Variants in NETO1 observed in about 807,000 individuals in gnomAD.
NETO1 encodes the protein neuropilin and tolloid like 1, also known as neuropilin and tolloid-like protein 1.
Under a neutral mutation model 61.3 loss-of-function variants are expected in NETO1, and 26 were observed. That is an observed-to-expected ratio of 0.42 (90% CI 0.31 to 0.59). NETO1 has a LOEUF of 0.59. Ranked by LOEUF, NETO1 falls within the 20% of genes least tolerant of loss-of-function variation. NETO1 has a pLI of 0.12. For missense variants in NETO1, 531 were observed against 662.8 expected, an observed-to-expected ratio of 0.80 and a Z score of 2.18; for synonymous variants, 225 against 225.8, an observed-to-expected ratio of 1.00 and a Z score of 0.03.
chr18:72,853,153 C>T (rs1378442268), intron 4 of NETO1, among the ~76,000 whole-genome samples: 1 of 152,096 alleles, frequency 6.6e-6, no homozygotes, highest in Non-Finnish European at 1.5e-5. Context: ...GTAATTTTCT[C>T]AGTGCTGTGA....
rs1315550125 is a variant in NETO1 at position 72,746,619 on chromosome 18, T to C, written c.*1560A>G. 2.6e-5 allele frequency among the ~76,000 whole-genome samples: 4 copies of C among 151,940 alleles called. No individual in the cohort carries two copies. The highest frequency in any genetic ancestry group is 5.9e-5 in the Non-Finnish European group (4 of 67,928). The stretch of plus-strand genomic sequence containing the variant: ...AACATATATGACATTGTATTCCTAG[T>C]AGGGAAGTATAACAGTAATTCATCT... On this transcript the variant is annotated 3_prime_UTR_variant, in exon 11 of 11. Transcript: ENST00000327305.
At chr18:72,855,809 C>A (rs919720162) in intron 4 of NETO1, among the ~76,000 whole-genome samples, 3 of 152,188 alleles carry the variant, frequency 2.0e-5, no homozygotes, top group Non-Finnish European at 4.4e-5. Context: ...GGGGGCTAAA[C>A]CACCATTGGA....
intron 4 of NETO1, among the ~76,000 whole-genome samples, chr18:72,817,870 C>T (rs776488269): frequency 3.3e-5 from 5 of 152,188 alleles, no homozygotes; most frequent in East Asian, 1.9e-4. Flanking sequence ...AGTTCATACA[C>T]GGTAAACTGC....
At chr18:72,866,461 C>T (rs780170515) in intron 1 of NETO1, among the ~76,000 whole-genome samples, 38 of 152,042 alleles carry the variant, frequency 2.5e-4, no homozygotes, top group South Asian at 6.2e-4. Flanking sequence ...CATGATTCTG[C>T]TCACACCCAG....
Position 72,867,319 on chromosome 18 carries a change from G to T in NETO1, c.-28C>A. ...CTGTGCGTTACACCAGAGGCTCCGG[G>T]CTCCACTAATTCCATTTAGAGACGG... On this transcript the variant is annotated 5_prime_UTR_variant, in exon 1 of 11. Coordinates refer to ENST00000327305, the MANE Select transcript of NETO1 (RefSeq NM_138966.5). The T allele has an allele frequency of 6.4e-7, 1 of 1,559,618 alleles. No individual in the cohort carries two copies.
chr18:72,793,289 T>C (rs188369630), intron 6 of NETO1, among the ~76,000 whole-genome samples: 2 of 152,206 alleles, frequency 1.3e-5, no homozygotes, highest in East Asian at 3.9e-4. Context: ...AACAGGAGAA[T>C]GAACAAATAA....
At chr18:72,777,157 C>G (rs976593497) in intron 7 of NETO1, among the ~76,000 whole-genome samples, 3 of 152,202 alleles carry the variant, frequency 2.0e-5, no homozygotes, top group African/African-American at 7.2e-5. Context: ...GTGGCTCATG[C>G]CTGTAATCCC....
At chr18:72,826,831 C>T (rs983126101) in intron 4 of NETO1, among the ~76,000 whole-genome samples, 4 of 152,140 alleles carry the variant, frequency 2.6e-5, no homozygotes, top group African/African-American at 7.2e-5. Flanking sequence ...CCACAGCTGA[C>T]GAACCCTGGG....
At chr18:72,814,011 A>T (rs911039643) in intron 4 of NETO1, among the ~76,000 whole-genome samples, 1 of 152,080 alleles carries the variant, frequency 6.6e-6, no homozygotes, top group Non-Finnish European at 1.5e-5. Flanking sequence ...TGTATTCAGC[A>T]AGCTGAAAAA....
At chr18:72,755,513 C>G (rs11877047) in intron 8 of NETO1, among the ~76,000 whole-genome samples, 22,367 of 151,928 alleles carry the variant, frequency 0.15, 1,853 homozygotes, top group Middle Eastern at 0.22. Context: ...TGTGTATAGA[C>G]AAGGGAAGGA....
chr18:72,838,774 T>C lies in NETO1; in HGVS notation c.469+20052A>G, dbSNP rs530558633. 2.0e-5 allele frequency among the ~76,000 whole-genome samples: 3 copies of C among 152,338 alleles called. No individual in the cohort carries two copies. In the East Asian group the frequency reaches 5.8e-4, roughly 29 times the overall value. ...TTTCAGTTTTCCATTTAATAAAGCC[T>C]ATTGGAAAGTTAAAAGTTAAATATG... On this transcript the variant is annotated intron_variant, in intron 4 of 10. Coordinates refer to ENST00000327305, the MANE Select transcript of NETO1 (RefSeq NM_138966.5).
intron 4 of NETO1, among the ~76,000 whole-genome samples, chr18:72,847,615 C>A (rs1415101547): frequency 1.3e-5 from 2 of 152,112 alleles, no homozygotes; most frequent in Non-Finnish European, 2.9e-5. Flanking sequence ...ATAAAAATGG[C>A]ATTCATATAA....
intron 4 of NETO1, among the ~76,000 whole-genome samples, chr18:72,855,930 G>C: frequency 6.6e-6 from 1 of 152,178 alleles, no homozygotes; most frequent in East Asian, 1.9e-4. Context: ...CTACTCTGAA[G>C]TGTTTTGATT....
At chr18:72,794,427 A>G in intron 4 of NETO1, 23 bp from the exon 5 acceptor site, 1 of 1,598,116 alleles carries the variant, frequency 6.3e-7, no homozygotes, top group Non-Finnish European at 8.5e-7. Context: ...GAAAAAGACA[A>G]TTAGTCCCAT....
chr18:72,859,020 G>A lies in NETO1; in HGVS notation c.275C>T (p.Pro92Leu), dbSNP rs750408288. Reference sequence around the variant, plus strand: ...ATGATCAAATTTGCACTCCCAAGACGGTTCAATAGAGTACTTTTCATCAAA... The same window carrying A: ...ATGATCAAATTTGCACTCCCAAGACAGTTCAATAGAGTACTTTTCATCAAA... ...LYFDEKYSIE[P>L]SWECKFDHIE... is the part of the protein sequence containing the mutation. Residue 92 changes from proline to leucine, a missense_variant, in exon 4 of 11, where the codon CCG (proline) becomes CTG (leucine). By Grantham distance (98) the Pro-to-Leu change is moderately conservative. Coordinates refer to ENST00000327305, the MANE Select transcript of NETO1 (RefSeq NM_138966.5). 7.4e-6 allele frequency: 12 copies of A among 1,613,372 alleles called. No individual in the cohort carries two copies. Among genetic ancestry groups the A allele is most frequent in the Admixed American group, 1.7e-5 (1 of 59,966 alleles).
rs2070560396 is a variant in NETO1, at chr18:72,750,443, A to G, written c.1160T>C (p.Val387Ala). ...TAACTCATAATGAGGAGGTTCAAATACCTCCTGGAAAACTGTCTGGTCAAA... is the reference window on the plus strand; with the variant it reads ...TAACTCATAATGAGGAGGTTCAAATGCCTCCTGGAAAACTGTCTGGTCAAA... ...SDFDQTVFQE[V>A]FEPPHYELCT... Residue 387 changes from valine to alanine, a missense_variant, in exon 9 of 11, where the codon GTA becomes GCA. Coordinates refer to ENST00000327305, the MANE Select transcript of NETO1 (RefSeq NM_138966.5). The G allele has an allele frequency of 6.2e-7, 1 of 1,613,824 alleles. No homozygotes were observed. The highest frequency in any genetic ancestry group is 1.3e-5 in the African/African-American group (1 of 74,864).
chr18:72,816,755 A>T (rs181687769), intron 4 of NETO1, among the ~76,000 whole-genome samples: 5 of 152,160 alleles, frequency 3.3e-5, no homozygotes, highest in African/African-American at 1.2e-4. Context: ...TCATCCCACC[A>T]TCTTCCCATT....
intron 8 of NETO1, among the ~76,000 whole-genome samples, chr18:72,754,315 A>C (rs2070718225): frequency 6.6e-6 from 1 of 152,162 alleles, no homozygotes. Context: ...GTATAATGGA[A>C]TATATAAGTC....
In NETO1 at chr18:72,798,057, C is replaced by T. The variant is rs999932047; in HGVS notation, c.470-3653G>A. Among the ~76,000 whole-genome samples the T allele has an allele frequency of 4.9e-4, 74 of 152,052 alleles. 1 individual carries two copies. The highest frequency in any genetic ancestry group is 8.8e-4 in the Non-Finnish European group (60 of 68,018). ...ACTATTTGTCTGTATATTTTTTTACCGTCTACTTCCACTGCTCCATAATCA... is the reference window on the plus strand; with the variant it reads ...ACTATTTGTCTGTATATTTTTTTACTGTCTACTTCCACTGCTCCATAATCA... On this transcript the variant is annotated intron_variant, in intron 4 of 10. Coordinates refer to ENST00000327305, the MANE Select transcript of NETO1 (RefSeq NM_138966.5).
Sources: gnomAD v4.1 joint callset for allele counts (sites outside exome capture counted in the v4.1 genomes callset) on GRCh38, gnomAD v4.1.1 for gene constraint, MANE v1.5 for transcripts, NCBI Gene and HGNC (gene_info 2026-07-23, HGNC 2026-07-21) for gene names.